PIP5K1B: variants seen among roughly 807,000 people sequenced by gnomAD.
PIP5K1B encodes phosphatidylinositol 4-phosphate 5-kinase type-1 beta.
Under a neutral mutation model 67.0 loss-of-function variants are expected in PIP5K1B, and 42 were observed. The observed-to-expected ratio is 0.63, with a 90% CI of 0.49 to 0.81. The LOEUF (loss-of-function observed/expected upper bound fraction) is 0.81, where lower values mean the gene tolerates loss of function less well. Among genes scored for constraint, PIP5K1B ranks in the 30% least tolerant of loss-of-function variants. The pLI is 0.00. For synonymous variants in PIP5K1B, 214 were observed against 231.4 expected, an observed-to-expected ratio of 0.92 and a Z score of 0.68; for missense variants, 459 against 646.3, an observed-to-expected ratio of 0.71 and a Z score of 3.14.
chr9:68,830,044 G>T (rs980467991), intron 4 of PIP5K1B, among the ~76,000 whole-genome samples: 1 of 152,042 alleles, frequency 6.6e-6, no homozygotes, highest in South Asian at 2.1e-4. Flanking sequence ...AGCAACAGGT[G>T]TTTAAAATCA....
intron 2 of PIP5K1B, among the ~76,000 whole-genome samples, chr9:68,775,997 G>A (rs1830897844): frequency 1.3e-5 from 2 of 152,106 alleles, no homozygotes; most frequent in African/African-American, 4.8e-5. Context: ...TGGTTATATT[G>A]TCAGGAGCAG....
intron 4 of PIP5K1B, among the ~76,000 whole-genome samples, chr9:68,849,427 C>CT (rs760926189): frequency 6.6e-6 from 1 of 152,326 alleles, no homozygotes; most frequent in Non-Finnish European, 1.5e-5. Context: ...TCAACCCAGG[C>CT]TGAAGTGCAG....
intron 15 of PIP5K1B, among the ~76,000 whole-genome samples, chr9:68,999,784 G>A (rs1314180217): frequency 6.6e-6 from 1 of 152,236 alleles, no homozygotes; most frequent in Non-Finnish European, 1.5e-5. Flanking sequence ...GCTTGCCAAT[G>A]AGTTCCTGCT....
At position 68,923,286 on chromosome 9, in the gene PIP5K1B, G is replaced by T. The variant is rs1272654484; in HGVS notation, c.1117-16G>T. 1.3e-6 allele frequency: 2 copies of T among 1,503,256 alleles called. No individual in the cohort carries two copies. Among genetic ancestry groups the T allele is most frequent in the Non-Finnish European group, 1.8e-6 (2 of 1,085,696 alleles). 93.1% of individuals were successfully genotyped at this position (1,503,256 alleles called of 1,614,324 possible). A position where few individuals can be genotyped will look rare whatever the true frequency, so the allele number is the denominator to read the frequency against. On this transcript the variant is annotated splice_polypyrimidine_tract_variant and intron_variant, in intron 11 of 15. Coordinates refer to ENST00000265382, the MANE Select transcript of PIP5K1B (RefSeq NM_003558.4). ...TTAAGAGGTGACCCTGTGATCCTGG[G>T]TTTTTGTCTTTTCAGGACACTGTTT... is the stretch of plus-strand genomic sequence containing the variant.
intron 8 of PIP5K1B, among the ~76,000 whole-genome samples, chr9:68,908,336 AATAT>A (rs142638844): frequency 1.3e-5 from 2 of 148,968 alleles, no homozygotes; most frequent in Admixed American, 6.7e-5. Context: ...GAAGCTGGTG[AATAT>A]ATATATATAT....
intron 4 of PIP5K1B, among the ~76,000 whole-genome samples, chr9:68,858,541 TG>T (rs1262352381): frequency 1.3e-5 from 2 of 152,080 alleles, no homozygotes; most frequent in African/African-American, 4.8e-5. Flanking sequence ...ATATCAGGCG[TG>T]GGAGTTGGTG....
chr9:68,802,912 A>G (rs2131989648), intron 2 of PIP5K1B, among the ~76,000 whole-genome samples: 1 of 152,304 alleles, frequency 6.6e-6, no homozygotes, highest in South Asian at 2.1e-4. Flanking sequence ...GAGTGGTTAG[A>G]CAGATTTGCA....
chr9:68,938,599 T>C (rs932721714), intron 13 of PIP5K1B, among the ~76,000 whole-genome samples: 1 of 152,160 alleles, frequency 6.6e-6, no homozygotes, highest in Non-Finnish European at 1.5e-5. Context: ...ATATTTAAGG[T>C]TAATATTGTT....
At chr9:68,819,081 G>A (rs142578246) in intron 3 of PIP5K1B, among the ~76,000 whole-genome samples, 117 of 152,218 alleles carry the variant, frequency 7.7e-4, no homozygotes, top group African/African-American at 2.3e-3. Context: ...GAACAATTCA[G>A]TGTTCATTTT....
intron 6 of PIP5K1B, among the ~76,000 whole-genome samples, chr9:68,885,160 C>T (rs1824403588): frequency 6.6e-6 from 1 of 152,144 alleles, no homozygotes; most frequent in Non-Finnish European, 1.5e-5. Context: ...TTTAGAACAG[C>T]ATGGATGATC....
chr9:68,866,480 A>G (rs1823360835), intron 5 of PIP5K1B, among the ~76,000 whole-genome samples: 1 of 152,132 alleles, frequency 6.6e-6, no homozygotes. Context: ...TAAAAATACT[A>G]CATAATAAAT....
At chr9:68,782,971 A>T (rs983028666) in intron 2 of PIP5K1B, 1 of 167,086 alleles carries the variant, frequency 6.0e-6, no homozygotes, top group African/African-American at 2.4e-5. Context: ...TCAACTTCTG[A>T]AATGAATCTC....
chr9:68,794,390 TTTTCTTTCTTTCTTTC>T (rs141128949), intron 2 of PIP5K1B, among the ~76,000 whole-genome samples: 17 of 150,656 alleles, frequency 1.1e-4, no homozygotes, highest in Admixed American at 5.3e-4. Context: ...TGACAGTTTC[TTTTCTTTCTTTCTTTC>T]TTTCTTTCTT....
chr9:68,919,952 A>G (rs564024623), intron 11 of PIP5K1B, among the ~76,000 whole-genome samples: 2 of 152,376 alleles, frequency 1.3e-5, no homozygotes, highest in South Asian at 4.1e-4. Context: ...GCGGCCAGAA[A>G]AACAAAATGA....
At chr9:68,919,799 G>A in intron 11 of PIP5K1B, 70 bp downstream of exon 11, 5 of 860,134 alleles carry the variant, frequency 5.8e-6, no homozygotes, top group Middle Eastern at 3.5e-4. Context: ...AGTATGTGCA[G>A]GAAACTGTGT....
chr9:68,714,954 C>T (rs1395822173), intron 1 of PIP5K1B, among the ~76,000 whole-genome samples: 1 of 152,134 alleles, frequency 6.6e-6, no homozygotes, highest in Non-Finnish European at 1.5e-5. Flanking sequence ...TGAGTTCCCC[C>T]AGGACCCTGC....
At chr9:68,967,474 C>T (rs1238582897) in intron 14 of PIP5K1B, among the ~76,000 whole-genome samples, 1 of 152,080 alleles carries the variant, frequency 6.6e-6, no homozygotes, top group Non-Finnish European at 1.5e-5. Context: ...ACTGAAGTAG[C>T]AAAGGAAATC....
chr9:68,706,375 A>T (rs978016206), intron 1 of PIP5K1B, among the ~76,000 whole-genome samples: 7 of 152,060 alleles, frequency 4.6e-5, no homozygotes, highest in Non-Finnish European at 4.4e-5. Context: ...TTGATTTACT[A>T]TGCCGGTGCC....
At chr9:68,723,976 AT>A (rs1195301382) in intron 1 of PIP5K1B, among the ~76,000 whole-genome samples, 3 of 151,476 alleles carry the variant, frequency 2.0e-5, no homozygotes, top group South Asian at 2.1e-4. Flanking sequence ...TTTTCCCAAA[AT>A]TTTTTTCAGT....
Sources: allele counts gnomAD v4.1 joint callset (sites outside exome capture counted in the v4.1 genomes callset), GRCh38; gene constraint gnomAD v4.1.1; transcripts MANE v1.5; gene names NCBI Gene and HGNC (gene_info 2026-07-23, HGNC 2026-07-21).